Variants in TRAM2 observed in about 807,000 individuals in gnomAD.
The protein encoded by TRAM2 is translocating chain-associated membrane protein 2.
A neutral mutation model predicts 51.0 loss-of-function variants in TRAM2; 12 were observed. The observed-to-expected ratio is 0.24, with a 90% CI of 0.15 to 0.38. The LOEUF (loss-of-function observed/expected upper bound fraction) is 0.38. Among genes scored for constraint, TRAM2 ranks in the 10% least tolerant of loss-of-function variants. The probability of loss-of-function intolerance (pLI) is 1.00; values close to 1 mark genes in which losing one functional copy is unlikely to be tolerated. For missense variants in TRAM2, 361 were observed against 462.0 expected (o/e 0.78, Z 2.00); for synonymous variants, 175 against 179.4 (o/e 0.98, Z 0.20).
intron 1 of TRAM2, among the ~76,000 whole-genome samples, chr6:52,551,485 G>A (rs1216682536): frequency 6.6e-6 from 1 of 152,170 alleles, no homozygotes; most frequent in African/African-American, 2.4e-5. Flanking sequence ...GTGAGGGTGG[G>A]CATGCAGGGG....
intron 2 of TRAM2, among the ~76,000 whole-genome samples, chr6:52,520,205 T>C (rs563533932): frequency 6.6e-6 from 1 of 152,330 alleles, no homozygotes; most frequent in East Asian, 1.9e-4. Flanking sequence ...TGAAGTGGAC[T>C]GAAGGCTGGG....
intron 1 of TRAM2, among the ~76,000 whole-genome samples, chr6:52,561,087 A>G (rs555905627): frequency 2.6e-5 from 4 of 152,364 alleles, no homozygotes; most frequent in Admixed American, 6.5e-5. Flanking sequence ...ATGCTACAGC[A>G]TAGATGAACC....
chr6:52,516,737 T>C lies in TRAM2; in HGVS notation c.185A>G (p.Asp62Gly), dbSNP rs1766557460. 5 of 1,610,986 alleles carry C rather than the reference T, an allele frequency of 3.1e-6. 1 individual carries two copies. The South Asian group carries it at 5.5e-5, about 18-fold the overall frequency. ...PQYNISVPTADSETVHYHYGP... is the reference protein window; with the variant it reads ...PQYNISVPTAGSETVHYHYGP... ...ATAGTGGTAGTGCACGGTCTCACTG[T>C]CTGTGGAGGTAATAAAAGTCCCATC... Residue 62 changes from aspartate (D) to glycine (G), a missense_variant and splice_region_variant, in exon 3 of 11, where the codon GAC becomes GGC. Asp to Gly is a moderately conservative substitution (Grantham distance 94). Coordinates refer to ENST00000182527, the MANE Select transcript of TRAM2 (RefSeq NM_012288.4).
intron 1 of TRAM2, among the ~76,000 whole-genome samples, chr6:52,555,518 C>T (rs889842347): frequency 6.6e-6 from 1 of 152,108 alleles, no homozygotes; most frequent in Non-Finnish European, 1.5e-5. Context: ...TGATGATCAT[C>T]CTTACAGGTA....
chr6:52,551,887 T>A (rs900497317), intron 1 of TRAM2, among the ~76,000 whole-genome samples: 2 of 152,234 alleles, frequency 1.3e-5, no homozygotes, highest in Non-Finnish European at 2.9e-5. Flanking sequence ...TTATGTTCAT[T>A]TATTTTTTTC....
At chr6:52,526,244 T>C (rs935514889) in intron 2 of TRAM2, among the ~76,000 whole-genome samples, 1 of 151,706 alleles carries the variant, frequency 6.6e-6, no homozygotes, top group Non-Finnish European at 1.5e-5. Context: ...TCTTCAGAGT[T>C]ACCATTTTAA....
chr6:52,507,744 TC>T, intron 6 of TRAM2, 121 bp from the exon 7 acceptor site: 2 of 855,608 alleles, frequency 2.3e-6, no homozygotes, highest in Non-Finnish European at 3.7e-6. Flanking sequence ...TAACACACAG[TC>T]CCATGTCCCA....
chr6:52,524,101 T>C (rs1766727581), intron 2 of TRAM2: 1 of 152,166 alleles, frequency 6.6e-6, no homozygotes, highest in African/African-American at 2.4e-5. Flanking sequence ...AACTGAGAGA[T>C]TTATGAATCA....
At chr6:52,503,613 A>C (rs1766283350) in intron 10 of TRAM2, among the ~76,000 whole-genome samples, 1 of 152,120 alleles carries the variant, frequency 6.6e-6, no homozygotes, top group South Asian at 2.1e-4. Flanking sequence ...ACTCGCCGAA[A>C]TCACTTAGAT....
At chr6:52,563,913 T>A (rs202229106) in intron 1 of TRAM2, among the ~76,000 whole-genome samples, 5 of 124,050 alleles carry the variant, frequency 4.0e-5, no homozygotes, top group East Asian at 4.9e-4. Context: ...AAAAAAAAAA[T>A]TTAAGCTTTA....
In TRAM2 at chr6:52,505,737, C is replaced by G; in HGVS notation, c.737G>C (p.Ser246Thr). ...FADENNEKLF[S>T]AWAAVFGVTR... is the part of the protein sequence containing the mutation. ...AACCCCAAAAACAGCAGCCCAGGCA[C>G]TGAACCTGCTCACAGAGGCAGAAGA... The change falls in exon 9 of 11, where the codon AGT (serine) becomes ACT (threonine). Residue 246 changes from serine (S) to threonine (T), a missense_variant. Transcript: ENST00000182527. 1 of 1,607,760 alleles carries G rather than the reference C, an allele frequency of 6.2e-7. No individual in the cohort carries two copies. Among genetic ancestry groups the G allele is most frequent in the Non-Finnish European group, 8.5e-7 (1 of 1,176,690 alleles).
intron 3 of TRAM2, 58 bp downstream of exon 3, chr6:52,516,570 C>T (rs1336179284): frequency 1.7e-5 from 25 of 1,430,786 alleles, no homozygotes; most frequent in Non-Finnish European, 2.3e-5. Context: ...AAGGCCAGGT[C>T]CTCCACCCCA....
chr6:52,562,478 C>T (rs1486253586), intron 1 of TRAM2, among the ~76,000 whole-genome samples: 1 of 152,172 alleles, frequency 6.6e-6, no homozygotes, highest in East Asian at 1.9e-4. Flanking sequence ...GCCCCATGAT[C>T]CAAATGTGCC....
In TRAM2 at chr6:52,516,648, C is replaced by G; in HGVS notation, c.274G>C (p.Val92Leu). The change falls in exon 3 of 11, where the codon GTT becomes CTT. Residue 92 changes from valine (V) to leucine (L), a missense_variant. Transcript: ENST00000182527. ...IFITIILHAV[V>L]QEYILDKISK... The stretch of plus-strand genomic sequence containing the variant: ...CTTACATCTAAAATGTACTCCTGAA[C>G]CACAGCATGCAAGATGATGGTGATG... 1 of 1,613,968 alleles carries G rather than the reference C, an allele frequency of 6.2e-7. No homozygotes were observed. The highest frequency in any genetic ancestry group is 8.5e-7 in the Non-Finnish European group (1 of 1,179,860).
At chr6:52,537,350 C>T (rs1766993076) in intron 1 of TRAM2, among the ~76,000 whole-genome samples, 1 of 152,202 alleles carries the variant, frequency 6.6e-6, no homozygotes, top group Admixed American at 6.5e-5. Flanking sequence ...CTCGACCTAC[C>T]TTCCTGTCCA....
chr6:52,530,823 AC>A (rs1026260989), intron 2 of TRAM2, among the ~76,000 whole-genome samples: 1 of 152,136 alleles, frequency 6.6e-6, no homozygotes, highest in African/African-American at 2.4e-5. Context: ...CTTTTGTTAC[AC>A]CGGCCCTAGG....
At chr6:52,570,862 AAG>A (rs1767669305) in intron 1 of TRAM2, among the ~76,000 whole-genome samples, 2 of 140,754 alleles carry the variant, frequency 1.4e-5, no homozygotes, top group South Asian at 2.3e-4. Flanking sequence ...GACTTTTTGC[AAG>A]AGTTACTTGC....
intron 1 of TRAM2, among the ~76,000 whole-genome samples, chr6:52,546,866 C>T (rs115751793): frequency 1.3e-4 from 20 of 152,278 alleles, no homozygotes; most frequent in African/African-American, 4.6e-4. Flanking sequence ...GTGAGCAGCC[C>T]GTGACCAGGT....
rs1489844209 is a variant in TRAM2, at chr6:52,505,722, A to G, written c.752T>C (p.Val251Ala). 1.2e-6 allele frequency: 2 copies of G among 1,612,134 alleles called. No homozygotes were observed. The highest frequency in any genetic ancestry group is 1.7e-6 in the Non-Finnish European group (2 of 1,178,796). Reference protein sequence around the residue: ...NEKLFSAWAAVFGVTRLFILT... With the variant: ...NEKLFSAWAAAFGVTRLFILT... ...GATGAAGAGGCGGGTAACCCCAAAAACAGCAGCCCAGGCACTGAACCTGCT... is the reference window on the plus strand; with the variant it reads ...GATGAAGAGGCGGGTAACCCCAAAAGCAGCAGCCCAGGCACTGAACCTGCT... Residue 251 changes from valine to alanine, a missense_variant, in exon 9 of 11, where the codon GTT becomes GCT. Transcript: ENST00000182527.
Sources: gnomAD v4.1 joint callset for allele counts (sites outside exome capture counted in the v4.1 genomes callset) on GRCh38, gnomAD v4.1.1 for gene constraint, MANE v1.5 for transcripts, NCBI Gene and HGNC (gene_info 2026-07-23, HGNC 2026-07-21) for gene names.